Variants in ASIC2 observed in about 807,000 individuals in gnomAD.
The protein encoded by ASIC2 is acid sensing ion channel subunit 2.
A neutral mutation model predicts 57.3 loss-of-function variants in ASIC2; 25 were observed. That is an observed-to-expected ratio of 0.44 (90% CI 0.32 to 0.61). The LOEUF (loss-of-function observed/expected upper bound fraction) is 0.61. Among genes scored for constraint, ASIC2 ranks in the 20% least tolerant of loss-of-function variants. The probability of loss-of-function intolerance (pLI) is 0.06; values close to 1 mark genes in which losing one functional copy is unlikely to be tolerated. For synonymous variants in ASIC2, 319 were observed against 307.5 expected, an observed-to-expected ratio of 1.04 and a Z score of -0.39; for missense variants, 641 against 738.1, an observed-to-expected ratio of 0.87 and a Z score of 1.52.
At position 33,128,358 on chromosome 17, in the gene ASIC2, T is replaced by C. The variant is rs144117092; in HGVS notation, c.709-16291A>G. The stretch of plus-strand genomic sequence containing the variant: ...CCCCAATTGCTGCATATTTGTGTGT[T>C]CAGCTGATTGATGCTTGTCTCTCCA... On this transcript the variant is annotated intron_variant, in intron 1 of 9. Transcript: ENST00000225823. Among the ~76,000 whole-genome samples, 1,251 of 152,310 alleles carry C rather than the reference T, an allele frequency of 8.2e-3. 9 individuals are homozygous for C. The highest frequency in any genetic ancestry group is 0.029 in the South Asian group (142 of 4,828).
intron 1 of ASIC2, among the ~76,000 whole-genome samples, chr17:33,604,212 C>G (rs1029742314): frequency 5.3e-5 from 8 of 152,186 alleles, no homozygotes; most frequent in Non-Finnish European, 1.2e-4. Context: ...GTGATAAGAA[C>G]CATTCAGAAT....
intron 1 of ASIC2, among the ~76,000 whole-genome samples, chr17:33,317,886 AGTGTGTGTGTGTGTGT>A (rs57716479): frequency 5.3e-4 from 77 of 144,562 alleles, no homozygotes; most frequent in East Asian, 1.2e-3. Context: ...TGTGGAGATG[AGTGTGTGTGTGTGTGT>A]GTGTGTGTGT....
chr17:33,088,914 GC>G lies in ASIC2; in HGVS notation c.935del (p.Gly312AlafsTer87). The G allele has an allele frequency of 6.2e-7, 1 of 1,614,092 alleles. No homozygotes were observed. Among genetic ancestry groups the G allele is most frequent in the Non-Finnish European group, 8.5e-7 (1 of 1,179,978 alleles). The stretch of plus-strand genomic sequence containing the variant: ...TCTGGAACCCTGGAGCCACCCCAAA[GC>G]CCAGCTCTTGGATGAAAGGTGGCTC... ...QSEPPFIQEL[G>X]FGVAPGFQTF... is the part of the protein sequence containing the mutation. On this transcript the variant is annotated frameshift_variant, in exon 3 of 10. Transcript: ENST00000225823. LOFTEE classifies it high-confidence loss of function.
rs796202251 is a variant in ASIC2, at chr17:34,099,649, G to GGA, written c.555+56328_555+56329insTC. On this transcript the variant is annotated intron_variant, in intron 1 of 9. Transcript: ENST00000359872. ...AAAAGAAAAAGAAAGAAAGAAAAGA[G>GGA]AGGAAGGAAGGAAGGAAAGAAAGAA... is the stretch of plus-strand genomic sequence containing the variant. 1.4e-3 allele frequency among the ~76,000 whole-genome samples: 176 copies of GGA among 129,678 alleles called. 4 individuals carry two copies. Among genetic ancestry groups the GGA allele is most frequent in the African/African-American group, 5.3e-3 (172 of 32,504 alleles). The allele number at this position is 129,678 out of a possible 152,430, so 85.1% of individuals were successfully genotyped here. A position where few individuals can be genotyped will look rare whatever the true frequency, so the allele number is the denominator to read the frequency against.
intron 1 of ASIC2, among the ~76,000 whole-genome samples, chr17:33,380,348 A>C (rs1909444216): frequency 6.6e-6 from 1 of 151,908 alleles, no homozygotes. Flanking sequence ...CATGATGATG[A>C]TGATGATCAT....
intron 1 of ASIC2, among the ~76,000 whole-genome samples, chr17:33,362,813 T>C (rs567462775): frequency 6.6e-6 from 1 of 152,324 alleles, no homozygotes; most frequent in African/African-American, 2.4e-5. Context: ...GAGCAGGCAT[T>C]GTTTGAGCAT....
At chr17:33,063,706 C>T (rs1407387092) in intron 3 of ASIC2, among the ~76,000 whole-genome samples, 4 of 152,176 alleles carry the variant, frequency 2.6e-5, no homozygotes, top group Non-Finnish European at 5.9e-5. Context: ...TGAATGTTGG[C>T]CTGCCTTGCT....
chr17:33,742,966 T>A (rs1490919), intron 1 of ASIC2, among the ~76,000 whole-genome samples: 52,527 of 152,088 alleles, frequency 0.35, 11,027 homozygotes, highest in Non-Finnish European at 0.48. Context: ...ATTTTTCCAG[T>A]TCCTGTTGGT....
intron 1 of ASIC2, among the ~76,000 whole-genome samples, chr17:33,813,134 C>T (rs11658475): frequency 0.61 from 93,258 of 151,884 alleles, 29,398 homozygotes; most frequent in Non-Finnish European, 0.66. Context: ...GGATAGTGAC[C>T]GCAGAATGGT....
At chr17:33,792,416 G>A (rs1377806072) in intron 1 of ASIC2, 1 of 152,226 alleles carries the variant, frequency 6.6e-6, no homozygotes, top group Non-Finnish European at 1.5e-5. Context: ...TGGGGGTGGT[G>A]GAGGGGGGAG....
At chr17:33,889,180 G>A (rs2141945852) in intron 1 of ASIC2, among the ~76,000 whole-genome samples, 1 of 152,272 alleles carries the variant, frequency 6.6e-6, no homozygotes. Flanking sequence ...TGGAATTGGA[G>A]ACTGATAAAT....
intron 1 of ASIC2, among the ~76,000 whole-genome samples, chr17:33,232,436 T>A (rs866130708): frequency 1.1e-4 from 14 of 132,272 alleles, no homozygotes; most frequent in Admixed American, 3.8e-4. Context: ...TATGGTATGG[T>A]ATGGTATGGA....
chr17:34,034,311 A>G (rs533553437), intron 1 of ASIC2, among the ~76,000 whole-genome samples: 9 of 152,088 alleles, frequency 5.9e-5, no homozygotes, highest in Non-Finnish European at 1.0e-4. Flanking sequence ...AAATTCAACA[A>G]CCCTTCATGC....
At position 33,636,879 on chromosome 17, in the gene ASIC2, C is replaced by CCA. The variant is rs765523479; in HGVS notation, c.555+519097_555+519098dup. ...CACAAGCATATGCATGCACACACAC[C>CCA]CACACACACACACACACCACACACC... On this transcript the variant is annotated intron_variant, in intron 1 of 9. Transcript: ENST00000359872. Among the ~76,000 whole-genome samples, 443 of 149,852 alleles carry CCA rather than the reference C, an allele frequency of 3.0e-3. 3 individuals are homozygous for CCA. The highest frequency in any genetic ancestry group is 9.9e-3 in the African/African-American group (405 of 40,944).
At position 33,678,982 on chromosome 17, in the gene ASIC2, C is replaced by A. The variant is rs912233415; in HGVS notation, c.555+476996G>T. 2.0e-5 allele frequency among the ~76,000 whole-genome samples: 3 copies of A among 152,274 alleles called. No individual in the cohort carries two copies. In the East Asian group the frequency reaches 5.8e-4, roughly 29 times the overall value. ...ACAGTCAGACAGAGGCAGAGCTGGG[C>A]AGCCCCTCAGCTCTGTGCATTTTGT... On this transcript the variant is annotated intron_variant, in intron 1 of 9. Coordinates refer to the ASIC2 transcript ENST00000359872.
At chr17:33,016,203 C>A (rs1192051525) in intron 8 of ASIC2, among the ~76,000 whole-genome samples, 164 bp from the exon 9 acceptor site, 1 of 152,218 alleles carries the variant, frequency 6.6e-6, no homozygotes, top group East Asian at 1.9e-4. Context: ...GCCTGTCTGT[C>A]TCAACCCAGC....
chr17:33,399,531 G>C (rs1044684472), intron 1 of ASIC2, among the ~76,000 whole-genome samples: 1 of 152,064 alleles, frequency 6.6e-6, no homozygotes, highest in Non-Finnish European at 1.5e-5. Context: ...AAAAATCTCC[G>C]ATGAACCATC....
At chr17:33,519,387 G>C (rs1452356711) in intron 1 of ASIC2, among the ~76,000 whole-genome samples, 1 of 152,116 alleles carries the variant, frequency 6.6e-6, no homozygotes, top group Non-Finnish European at 1.5e-5. Flanking sequence ...AACACAGTTG[G>C]CCTCGGGCTT....
intron 1 of ASIC2, among the ~76,000 whole-genome samples, chr17:33,656,160 A>G (rs979918484): frequency 6.6e-6 from 1 of 152,166 alleles, no homozygotes; most frequent in East Asian, 1.9e-4. Context: ...TCATAATCAT[A>G]TTATGGGATT....
Sources: allele counts gnomAD v4.1 joint callset (sites outside exome capture counted in the v4.1 genomes callset), GRCh38; gene constraint gnomAD v4.1.1; transcripts MANE v1.5; gene names NCBI Gene and HGNC (gene_info 2026-07-23, HGNC 2026-07-21).